Variants in CACNG1 observed in about 807,000 individuals in gnomAD.
CACNG1 encodes the protein voltage-dependent calcium channel gamma-1 subunit.
A neutral mutation model predicts 22.0 loss-of-function variants in CACNG1; 21 were observed. The observed-to-expected ratio is 0.95, with a 90% CI of 0.68 to 1.37. CACNG1 has a LOEUF of 1.37. Among genes scored for constraint, CACNG1 ranks in the 40% most tolerant of loss-of-function variants. The probability of loss-of-function intolerance (pLI) is 0.00; values close to 1 mark genes in which losing one functional copy is unlikely to be tolerated. For synonymous variants in CACNG1, 127 were observed against 129.2 expected (o/e 0.98, Z 0.12); for missense variants, 291 against 308.6 (o/e 0.94, Z 0.43).
At position 67,054,267 on chromosome 17, in the gene CACNG1, G is replaced by A. The variant is rs1003379060; in HGVS notation, c.304+197G>A. Among the ~76,000 whole-genome samples, 11 of 152,192 alleles carry A rather than the reference G, an allele frequency of 7.2e-5. No individual in the cohort carries two copies. The highest frequency in any genetic ancestry group is 2.2e-4 in the African/African-American group (9 of 41,436). The stretch of plus-strand genomic sequence containing the variant: ...CAGCCGCCTTCCATCTCCAGGGCCC[G>A]GAGCTTCCACACCTCGGGGCCAGGG... On this transcript the variant is annotated intron_variant, in intron 2 of 3. Transcript: ENST00000226021. The surrounding 1 kb of genome is among the most constrained non-coding windows in gnomAD (Gnocchi z 4.6).
chr17:67,053,884 G>A (rs1352412944), intron 1 of CACNG1, 112 bp from the exon 2 acceptor site: 2 of 766,228 alleles, frequency 2.6e-6, no homozygotes, highest in East Asian at 2.5e-5. Flanking sequence ...GGAGAAGAGA[G>A]GCTGCCAGAG....
chr17:67,048,968 G>A (rs2035712900), intron 1 of CACNG1, among the ~76,000 whole-genome samples: 1 of 152,190 alleles, frequency 6.6e-6, no homozygotes, highest in Non-Finnish European at 1.5e-5. Flanking sequence ...GTCCCAGAAG[G>A]AGAGGGAAAG....
At position 67,055,114 on chromosome 17, in the gene CACNG1, TCGGCAGC is replaced by T. The variant is rs1297787950; in HGVS notation, c.319_325del (p.Ala107ProfsTer54). On this transcript the variant is annotated frameshift_variant, in exon 3 of 4. Coordinates refer to ENST00000226021, the MANE Select transcript of CACNG1 (RefSeq NM_000727.4). LOFTEE classifies it high-confidence loss of function. The surrounding 1 kb of genome is among the most constrained non-coding windows in gnomAD (Gnocchi z 4.5). ...CCTTGTGTTTGCAGAGTACAGCATC[TCGGCAGC>T]CGCCATCGCCATCTTCAGCCTTGGC... The T allele has an allele frequency of 6.2e-7, 1 of 1,613,920 alleles. No individual in the cohort carries two copies. The highest frequency in any genetic ancestry group is 2.2e-5 in the East Asian group (1 of 44,886).
Position 67,055,264 on chromosome 17 carries a change from C to A in CACNG1, c.442+24C>A. The A allele has an allele frequency of 6.2e-7, 1 of 1,602,806 alleles. No homozygotes were observed. Among genetic ancestry groups the A allele is most frequent in the Non-Finnish European group, 8.5e-7 (1 of 1,172,028 alleles). On this transcript the variant is annotated intron_variant, in intron 3 of 3. Transcript: ENST00000226021. The surrounding 1 kb of genome is among the most constrained non-coding windows in gnomAD (Gnocchi z 4.5). ...AGGTAGACTGGGGGATCTGCCTGAG[C>A]GCCGGGGCCGGGGGACCATGTCGCG...
At chr17:67,049,326 C>T (rs2035714882) in intron 1 of CACNG1, among the ~76,000 whole-genome samples, 2 of 152,238 alleles carry the variant, frequency 1.3e-5, no homozygotes, top group Non-Finnish European at 2.9e-5. Context: ...TATCATCATC[C>T]CAATCTTACA....
Position 67,056,628 on chromosome 17 carries a change from G to A in CACNG1, c.*357G>A, listed in dbSNP as rs1164090771. 1.2e-5 allele frequency: 3 copies of A among 249,468 alleles called. No individual in the cohort carries two copies. The East Asian group carries it at 2.8e-4, about 23-fold the overall frequency. 15.5% of individuals were successfully genotyped at this position (249,468 alleles called of 1,614,324 possible). A position where few individuals can be genotyped will look rare whatever the true frequency, so the allele number is the denominator to read the frequency against. ...TATGAACATTGCAGGGACAACCTGT[G>A]TTTGCCAGCTGGGTGTTCCGTGTAA... On this transcript the variant is annotated 3_prime_UTR_variant, in exon 4 of 4. Transcript: ENST00000226021. This position sits in a 1 kb window ranked among gnomAD's most constrained non-coding sequence, Gnocchi z 4.3.
Position 67,056,064 on chromosome 17 carries a change from G to A in CACNG1, c.462G>A (p.Ser154=), listed in dbSNP as rs114830174. The A allele has an allele frequency of 4.9e-4, 783 of 1,612,078 alleles. 3 individuals are homozygous for A. In the African/African-American group the frequency reaches 9.1e-3, roughly 19 times the overall value. The change falls in exon 4 of 4, where the codon TCG becomes TCA. Residue 154 remains serine (S), a synonymous_variant. Coordinates refer to ENST00000226021, the MANE Select transcript of CACNG1 (RefSeq NM_000727.4). This position sits in a 1 kb window ranked among gnomAD's most constrained non-coding sequence, Gnocchi z 4.3. ...YAFAGLCILV[S]VEVMRQSVKR... is the part of the protein sequence containing the mutation. ...CCCCAGGTCTCTGCATCCTCGTCTC[G>A]GTGGAGGTCATGCGGCAGTCGGTGA...
intron 1 of CACNG1, among the ~76,000 whole-genome samples, chr17:67,045,345 C>T (rs1452223917): frequency 6.6e-6 from 1 of 152,094 alleles, no homozygotes; most frequent in Non-Finnish European, 1.5e-5. Context: ...GGGTCCTGTG[C>T]AGAATGAAAA....
chr17:67,048,798 A>T (rs979539103), intron 1 of CACNG1, among the ~76,000 whole-genome samples: 7 of 152,198 alleles, frequency 4.6e-5, no homozygotes, highest in African/African-American at 1.7e-4. Flanking sequence ...AATTCACTAG[A>T]GGGGCTCAAT....
intron 1 of CACNG1, among the ~76,000 whole-genome samples, chr17:67,049,925 C>A (rs2035719032): frequency 6.6e-6 from 1 of 152,208 alleles, no homozygotes; most frequent in Non-Finnish European, 1.5e-5. Flanking sequence ...CAGTCTTAGA[C>A]TCCAAACAGT....
At chr17:67,050,394 T>C (rs1024933244) in intron 1 of CACNG1, among the ~76,000 whole-genome samples, 4 of 152,222 alleles carry the variant, frequency 2.6e-5, no homozygotes, top group East Asian at 3.8e-4. Flanking sequence ...CAATCAGAGA[T>C]GTGGAAGGAG....
intron 1 of CACNG1, 112 bp downstream of exon 1, chr17:67,045,001 G>A: frequency 1.3e-6 from 1 of 798,950 alleles, no homozygotes; most frequent in African/African-American, 1.7e-5. Context: ...AAATAGGGCA[G>A]CCGCCCAGCC....
rs1355992046 is a variant in CACNG1 at position 67,055,321 on chromosome 17, G to T, written c.442+81G>T. ...TCTCCGCTCCACCCTCATGCCCACC[G>T]CGAGATTTGGGTGAGGGGCATTTCC... On this transcript the variant is annotated intron_variant, in intron 3 of 3. Transcript: ENST00000226021. This position sits in a 1 kb window ranked among gnomAD's most constrained non-coding sequence, Gnocchi z 4.5. 1.3e-6 allele frequency: 2 copies of T among 1,483,788 alleles called. No homozygotes were observed. Among genetic ancestry groups the T allele is most frequent in the Non-Finnish European group, 1.8e-6 (2 of 1,095,498 alleles). 91.9% of individuals were successfully genotyped at this position (1,483,788 alleles called of 1,614,324 possible). A position where few individuals can be genotyped will look rare whatever the true frequency, so the allele number is the denominator to read the frequency against.
intron 1 of CACNG1, among the ~76,000 whole-genome samples, chr17:67,045,743 G>A (rs923304461): frequency 6.6e-6 from 1 of 151,840 alleles, no homozygotes; most frequent in Non-Finnish European, 1.5e-5. Context: ...GGCTGGTCTC[G>A]AACTCCTGAC....
chr17:67,046,177 A>C (rs1337574225), intron 1 of CACNG1, among the ~76,000 whole-genome samples: 1 of 152,184 alleles, frequency 6.6e-6, no homozygotes, highest in Non-Finnish European at 1.5e-5. Flanking sequence ...TTCTTCCTCT[A>C]TAAAATATGG....
chr17:67,045,410 A>T (rs2035690728), intron 1 of CACNG1, among the ~76,000 whole-genome samples: 1 of 152,304 alleles, frequency 6.6e-6, no homozygotes, highest in Admixed American at 6.5e-5. Flanking sequence ...ACAGCAGCAC[A>T]TGAAACCACA....
rs2035757456 is a variant in CACNG1, at chr17:67,055,727, G to A, written c.443-318G>A. On this transcript the variant is annotated intron_variant, in intron 3 of 3. Transcript: ENST00000226021. This position sits in a 1 kb window ranked among gnomAD's most constrained non-coding sequence, Gnocchi z 4.5. ...TGTATTTTAATTTTTTGTAGAGACGGAGGGCTCATCACTATGTTGCCAGGC... is the reference window on the plus strand; with the variant it reads ...TGTATTTTAATTTTTTGTAGAGACGAAGGGCTCATCACTATGTTGCCAGGC... Among the ~76,000 whole-genome samples, 1 of 151,986 alleles carries A rather than the reference G, an allele frequency of 6.6e-6. No individual in the cohort carries two copies. Among genetic ancestry groups the A allele is most frequent in the East Asian group, 1.9e-4 (1 of 5,176 alleles).
chr17:67,044,631 G>T lies in CACNG1; in HGVS notation c.-30G>T. On this transcript the variant is annotated 5_prime_UTR_variant, in exon 1 of 4. Transcript: ENST00000226021. This position sits in a 1 kb window ranked among gnomAD's most constrained non-coding sequence, Gnocchi z 6.9. ...CTAGGAGACGCAGCCGCCGGACCCTGCCCAGGGCACCCACGCCTCGGCGAC... is the reference window on the plus strand; with the variant it reads ...CTAGGAGACGCAGCCGCCGGACCCTTCCCAGGGCACCCACGCCTCGGCGAC... 1.3e-6 allele frequency: 2 copies of T among 1,518,956 alleles called. No homozygotes were observed. The highest frequency in any genetic ancestry group is 9.0e-7 in the Non-Finnish European group (1 of 1,106,248). The allele number at this position is 1,518,956 out of a possible 1,614,324, so 94.1% of individuals were successfully genotyped here. A position where few individuals can be genotyped will look rare whatever the true frequency, so the allele number is the denominator to read the frequency against.
In CACNG1 at chr17:67,055,934, C is replaced by CT. The variant is rs2035758571; in HGVS notation, c.443-107dup. 1 of 808,630 alleles carries CT rather than the reference C, an allele frequency of 1.2e-6. No homozygotes were observed. The highest frequency in any genetic ancestry group is 2.0e-6 in the Non-Finnish European group (1 of 498,906). The allele number at this position is 808,630 out of a possible 1,614,324, so 50.1% of individuals were successfully genotyped here. A position where few individuals can be genotyped will look rare whatever the true frequency, so the allele number is the denominator to read the frequency against. ...CCATCTAGAACCTGCCTTGAGGCAG[C>CT]TTTTCCCCCAAGGCAAGGTCACCGC... On this transcript the variant is annotated intron_variant, in intron 3 of 3. Transcript: ENST00000226021. The surrounding 1 kb of genome is among the most constrained non-coding windows in gnomAD (Gnocchi z 4.5).
Sources: allele counts gnomAD v4.1 joint callset (sites outside exome capture counted in the v4.1 genomes callset), GRCh38; gene constraint gnomAD v4.1.1; non-coding constraint Gnocchi (gnomAD v3.1); transcripts MANE v1.5; gene names NCBI Gene and HGNC (gene_info 2026-07-23, HGNC 2026-07-21).